Variants in TNPO1 observed in about 807,000 individuals in gnomAD.
The protein encoded by TNPO1 is transportin-1.
In TNPO1, 8 loss-of-function variants were observed where a neutral mutation model predicts 119.5. That is an observed-to-expected ratio of 0.07 (90% confidence interval 0.04 to 0.12). The LOEUF (loss-of-function observed/expected upper bound fraction) is 0.12, where lower values mean the gene tolerates loss of function less well. Ranked by LOEUF, TNPO1 falls within the 10% of genes least tolerant of loss-of-function variation. TNPO1 has a pLI of 1.00. For synonymous variants in TNPO1, 362 were observed against 363.0 expected (o/e 1.00, Z 0.03); for missense variants, 576 against 1,089.8 (o/e 0.53, Z 6.64).
intron 18 of TNPO1, 73 bp from the exon 19 acceptor site, chr5:72,896,385 C>T (rs1749429888): frequency 3.3e-6 from 3 of 916,528 alleles, no homozygotes; most frequent in Admixed American, 2.7e-5. Context: ...CTGTTTCCAC[C>T]TAGTAGATTT....
chr5:72,865,736 A>T lies in TNPO1; in HGVS notation c.596+7A>T. ...ATAGTAGTCCAAAAATAAGGTACTT[A>T]TATTGCCAGTACTAATTGATTAACT... On this transcript the variant is annotated splice_region_variant and intron_variant, in intron 6 of 24. Coordinates refer to ENST00000337273, the MANE Select transcript of TNPO1 (RefSeq NM_002270.4). 3 of 1,612,380 alleles carry T rather than the reference A, an allele frequency of 1.9e-6. No homozygotes were observed. Among genetic ancestry groups the T allele is most frequent in the South Asian group, 1.1e-5 (1 of 90,830 alleles).
At chr5:72,820,672 A>T (rs1246438848) in intron 1 of TNPO1, among the ~76,000 whole-genome samples, 1 of 152,192 alleles carries the variant, frequency 6.6e-6, no homozygotes, top group Non-Finnish European at 1.5e-5. Context: ...GATCTGCTTG[A>T]CTGCAAAGCT....
At chr5:72,905,514 C>A in intron 24 of TNPO1, 69 bp downstream of exon 24, 1 of 680,852 alleles carries the variant, frequency 1.5e-6, no homozygotes, top group Non-Finnish European at 2.5e-6. Context: ...TTTCAAACTA[C>A]TAAATAGAAT....
intron 14 of TNPO1, 69 bp from the exon 15 acceptor site, chr5:72,891,741 C>G: frequency 8.7e-7 from 1 of 1,148,970 alleles, no homozygotes; most frequent in East Asian, 2.4e-5. Context: ...TTTTAATTTT[C>G]AAAGACTCAA....
At chr5:72,851,012 A>G (rs1745503989) in intron 2 of TNPO1, among the ~76,000 whole-genome samples, 2 of 152,130 alleles carry the variant, frequency 1.3e-5, no homozygotes, top group African/African-American at 2.4e-5. Flanking sequence ...CTTATGTTGT[A>G]TTGCATGTAA....
In TNPO1 at chr5:72,893,142, C is replaced by T; in HGVS notation, c.1792C>T (p.Leu598=). 1 of 1,611,948 alleles carries T rather than the reference C, an allele frequency of 6.2e-7. No homozygotes were observed. Among genetic ancestry groups the T allele is most frequent in the Non-Finnish European group, 8.5e-7 (1 of 1,179,076 alleles). The part of the protein sequence containing the change: ...DKDLFPLLEC[L]SSVATALQSG... The stretch of plus-strand genomic sequence containing the variant: ...ATGTGTACTTTATTCTTCCTAGTGC[C>T]TATCTTCAGTTGCCACAGCACTGCA... The change falls in exon 16 of 25, where the codon CTA becomes TTA. Residue 598 remains leucine, a synonymous_variant. Transcript: ENST00000337273.
chr5:72,820,676 C>G (rs1221474230), intron 1 of TNPO1, among the ~76,000 whole-genome samples: 4 of 152,108 alleles, frequency 2.6e-5, no homozygotes, highest in African/African-American at 9.7e-5. Context: ...TGCTTGACTG[C>G]AAAGCTCATC....
intron 1 of TNPO1, among the ~76,000 whole-genome samples, chr5:72,830,975 C>T (rs1301312715): frequency 6.6e-6 from 1 of 152,072 alleles, no homozygotes; most frequent in African/African-American, 2.4e-5. Flanking sequence ...GCCATTAGCT[C>T]GTTAGTCAAG....
At chr5:72,886,743 G>T (rs1445097045) in intron 11 of TNPO1, among the ~76,000 whole-genome samples, 2 of 151,874 alleles carry the variant, frequency 1.3e-5, no homozygotes, top group African/African-American at 2.4e-5. Flanking sequence ...CTAAAAATCA[G>T]CTGTGCGTAC....
intron 2 of TNPO1, among the ~76,000 whole-genome samples, chr5:72,849,093 C>T (rs1315525541): frequency 2.6e-5 from 4 of 152,160 alleles, no homozygotes; most frequent in African/African-American, 7.2e-5. Flanking sequence ...GTCTCTGTGC[C>T]TCACCCTGGG....
At chr5:72,864,340 C>T (rs1041778628) in intron 5 of TNPO1, among the ~76,000 whole-genome samples, 1 of 152,082 alleles carries the variant, frequency 6.6e-6, no homozygotes, top group Non-Finnish European at 1.5e-5. Context: ...ATTTTACCTT[C>T]TGTTGGACAC....
At chr5:72,862,380 G>A (rs1746520253) in intron 5 of TNPO1, 1 of 160,644 alleles carries the variant, frequency 6.2e-6, no homozygotes, top group African/African-American at 2.4e-5. Flanking sequence ...CCAGGCTGGA[G>A]TGCAGTGGCA....
At chr5:72,896,655 AG>A in intron 19 of TNPO1, 99 bp downstream of exon 19, 1 of 846,366 alleles carries the variant, frequency 1.2e-6, no homozygotes, top group Non-Finnish European at 1.8e-6. Context: ...AGATCACCTG[AG>A]GTCAGGAGTT....
chr5:72,828,739 G>A (rs1470719239), intron 1 of TNPO1, among the ~76,000 whole-genome samples: 2 of 151,564 alleles, frequency 1.3e-5, no homozygotes, highest in Non-Finnish European at 2.9e-5. Flanking sequence ...TTTTCTACCA[G>A]TACCTGATCT....
chr5:72,843,963 A>AT (rs1184416734), intron 1 of TNPO1, among the ~76,000 whole-genome samples: 1 of 152,180 alleles, frequency 6.6e-6, no homozygotes, highest in African/African-American at 2.4e-5. Context: ...AACAAACTAT[A>AT]TTTTACTTAT....
At chr5:72,898,732 G>A (rs557933014) in intron 20 of TNPO1, among the ~76,000 whole-genome samples, 1 of 152,078 alleles carries the variant, frequency 6.6e-6, no homozygotes, top group South Asian at 2.1e-4. Context: ...ATGTTTCATT[G>A]GATTGTTCAT....
At chr5:72,861,749 C>T in intron 4 of TNPO1, 59 bp from the exon 5 acceptor site, 1 of 1,216,928 alleles carries the variant, frequency 8.2e-7, no homozygotes, top group Non-Finnish European at 1.2e-6. Context: ...CAGTTGCTCA[C>T]ATGGCAATGC....
rs150464851 is a variant in TNPO1, at chr5:72,887,428, G to A, written c.1303+206G>A. Among the ~76,000 whole-genome samples, 18 of 152,246 alleles carry A rather than the reference G, an allele frequency of 1.2e-4. No homozygotes were observed. The East Asian group carries it at 1.5e-3, about 13-fold the overall frequency. On this transcript the variant is annotated intron_variant, in intron 12 of 24. Coordinates refer to ENST00000337273, the MANE Select transcript of TNPO1 (RefSeq NM_002270.4). ...ACAGAGGCCAGGCATGGTGGCTCAC[G>A]CCTATAATCTCAGCACTTTGGGAGG... is the stretch of plus-strand genomic sequence containing the variant.
rs1283602254 is a variant in TNPO1, at chr5:72,909,368, C to G, written c.*695C>G. ...ATGCCAAATGAGTCACTCCTTTTAC[C>G]TTTTTTGGGGTGGGCAGGGAGGGAG... On this transcript the variant is annotated 3_prime_UTR_variant, in exon 25 of 25. Transcript: ENST00000337273. 1 of 146,560 alleles carries G rather than the reference C, an allele frequency of 6.8e-6. No individual in the cohort carries two copies. The highest frequency in any genetic ancestry group is 6.7e-5 in the Admixed American group (1 of 14,820). 9.1% of individuals were successfully genotyped at this position (146,560 alleles called of 1,614,324 possible). A position where few individuals can be genotyped will look rare whatever the true frequency, so the allele number is the denominator to read the frequency against.
Sources: gnomAD v4.1 joint callset for allele counts (sites outside exome capture counted in the v4.1 genomes callset) on GRCh38, gnomAD v4.1.1 for gene constraint, MANE v1.5 for transcripts, NCBI Gene and HGNC (gene_info 2026-07-23, HGNC 2026-07-21) for gene names.